The following CYP27C1 variants were observed in gnomAD, a reference collection of about 807,000 sequenced individuals.
CYP27C1 encodes the protein cytochrome P450 27C1.
Under a neutral mutation model 40.6 loss-of-function variants are expected in CYP27C1, and 29 were observed. The observed-to-expected ratio is 0.71, with a 90% confidence interval of 0.53 to 0.97. The LOEUF is 0.97. Among genes scored for constraint, CYP27C1 ranks in the 50% least tolerant of loss-of-function variants. The pLI, the probability that CYP27C1 is intolerant of heterozygous loss-of-function variation, is 0.00. For synonymous variants in CYP27C1, 198 were observed against 186.8 expected (o/e 1.06, Z -0.49); for missense variants, 390 against 485.8 (o/e 0.80, Z 1.85).
rs754819537 is a variant in CYP27C1 at position 127,201,135 on chromosome 2, T to G, written c.870A>C (p.Gly290=). 6.2e-7 allele frequency: 1 copy of G among 1,613,004 alleles called. No individual in the cohort carries two copies. The highest frequency in any genetic ancestry group is 1.1e-5 in the South Asian group (1 of 91,030). The part of the protein sequence containing the change: ...PWREFCRSWD[G]LFKFSQIHVD... ...TTCTTCTCTTACTGAATTTGAAGAG[T>G]CCATCCCAGGACCTGCAGAATTCCC... The change falls in exon 4 of 9, where the codon GGA becomes GGC. Residue 290 remains glycine, a synonymous_variant. Coordinates refer to ENST00000664447, the MANE Select transcript of CYP27C1 (RefSeq NM_001367502.1). The surrounding 1 kb of genome is among the most constrained non-coding windows in gnomAD (Gnocchi z 6.0).
chr2:127,192,439 G>T (rs72961086), intron 8 of CYP27C1, among the ~76,000 whole-genome samples: 2,403 of 152,306 alleles, frequency 0.016, 54 homozygotes, highest in African/African-American at 0.055. Flanking sequence ...TCCTGCTATA[G>T]CCTGAATCCA....
At chr2:127,215,799 GAAACTTAC>G (rs1409805005) in intron 1 of CYP27C1, among the ~76,000 whole-genome samples, 1 of 149,668 alleles carries the variant, frequency 6.7e-6, no homozygotes, top group African/African-American at 2.4e-5. Context: ...AGAATATATA[GAAACTTAC>G]AAATCAGTAG....
intron 8 of CYP27C1, among the ~76,000 whole-genome samples, 170 bp from the exon 9 acceptor site, chr2:127,187,557 C>A (rs767830605): frequency 8.5e-5 from 13 of 152,316 alleles, no homozygotes; most frequent in South Asian, 4.1e-4. Context: ...CAGTGGGAAG[C>A]CCGCTGTTTG....
At position 127,201,532 on chromosome 2, in the gene CYP27C1, C is replaced by A. The variant is rs571494437; in HGVS notation, c.674-201G>T. Among the ~76,000 whole-genome samples the A allele has an allele frequency of 6.6e-6, 1 of 152,280 alleles. No individual in the cohort carries two copies. The highest frequency in any genetic ancestry group is 2.4e-5 in the African/African-American group (1 of 41,556). On this transcript the variant is annotated intron_variant, in intron 3 of 8. Coordinates refer to ENST00000664447, the MANE Select transcript of CYP27C1 (RefSeq NM_001367502.1). The surrounding 1 kb of genome is among the most constrained non-coding windows in gnomAD (Gnocchi z 6.0). Reference sequence around the variant, plus strand: ...GACAGGTGGTGCTGTTGCTGCTTCACCTAAGGAGCCCCACAGCCCTGGGAG... The same window carrying A: ...GACAGGTGGTGCTGTTGCTGCTTCAACTAAGGAGCCCCACAGCCCTGGGAG...
intron 1 of CYP27C1, among the ~76,000 whole-genome samples, chr2:127,214,783 TTTTTTTTTTTTTTTTTGG>T (rs1306049588): frequency 2.9e-5 from 2 of 68,480 alleles, no homozygotes; most frequent in African/African-American, 1.2e-4. Flanking sequence ...CCGTTTTTTG[TTTTTTTTTTTTTTTTTGG>T]TTTTTTTTTT....
intron 1 of CYP27C1, among the ~76,000 whole-genome samples, chr2:127,217,985 G>T (rs1178957105): frequency 6.6e-6 from 1 of 152,168 alleles, no homozygotes; most frequent in Non-Finnish European, 1.5e-5. Flanking sequence ...TAAAGGGAAA[G>T]AACTTTTTCC....
chr2:127,215,998 C>T (rs1030689609), intron 1 of CYP27C1, among the ~76,000 whole-genome samples: 6 of 152,152 alleles, frequency 3.9e-5, no homozygotes, highest in Admixed American at 6.6e-5. Flanking sequence ...GATAGCACTT[C>T]GCACCCACTA....
chr2:127,206,290 CGTTTGTTT>C (rs72517050), intron 1 of CYP27C1, among the ~76,000 whole-genome samples, 200 bp from the exon 2 acceptor site: 4,757 of 150,114 alleles, frequency 0.032, 213 homozygotes, highest in African/African-American at 0.11. Flanking sequence ...TTGTTGTTTC[CGTTTGTTT>C]GTTTGTTTGT....
At chr2:127,205,515 C>G in intron 2 of CYP27C1, 1 of 212,764 alleles carries the variant, frequency 4.7e-6, no homozygotes, top group South Asian at 1.7e-4. Flanking sequence ...GGTTCTTAGC[C>G]CCTCGTCAAA....
rs56919710 is a variant in CYP27C1, at chr2:127,192,619, C to CG, written c.1497+474dup. ...AGCAAGAGCACCACTGTGCCTTTCC[C>CG]GGGGGGGGGGGCTGCTGCTGACGGT... On this transcript the variant is annotated intron_variant, in intron 8 of 8. Coordinates refer to ENST00000664447, the MANE Select transcript of CYP27C1 (RefSeq NM_001367502.1). 3.7e-3 allele frequency among the ~76,000 whole-genome samples: 556 copies of CG among 149,702 alleles called. 1 individual carries two copies. The highest frequency in any genetic ancestry group is 0.015 in the South Asian group (71 of 4,708).
intron 1 of CYP27C1, among the ~76,000 whole-genome samples, chr2:127,210,185 C>T (rs1000947514): frequency 4.6e-5 from 7 of 152,148 alleles, no homozygotes; most frequent in Admixed American, 2.0e-4. Context: ...AAACTCTATA[C>T]GCCAGAAGAG....
At chr2:127,214,354 A>G (rs1683386876) in intron 1 of CYP27C1, among the ~76,000 whole-genome samples, 1 of 152,232 alleles carries the variant, frequency 6.6e-6, no homozygotes, top group South Asian at 2.1e-4. Context: ...ATTCTACTAT[A>G]AAAACACATG....
Position 127,191,627 on chromosome 2 carries a change from G to A in CYP27C1, c.1497+1467C>T, listed in dbSNP as rs146140589. Among the ~76,000 whole-genome samples the A allele has an allele frequency of 1.5e-4, 23 of 152,348 alleles. 1 individual carries two copies. The East Asian group carries it at 2.3e-3, about 15-fold the overall frequency. ...TTCTTGGGCACAGACTCTGTACGTG[G>A]ACTGTTTTTACTCCTCACACACCTA... On this transcript the variant is annotated intron_variant, in intron 8 of 8. Transcript: ENST00000664447.
chr2:127,193,886 G>C lies in CYP27C1; in HGVS notation c.1215-19C>G. 1 of 1,613,864 alleles carries C rather than the reference G, an allele frequency of 6.2e-7. No individual in the cohort carries two copies. Among genetic ancestry groups the C allele is most frequent in the Non-Finnish European group, 8.5e-7 (1 of 1,179,764 alleles). On this transcript the variant is annotated intron_variant, in intron 6 of 8. Transcript: ENST00000664447. ...AAACAGCCTGGAAAAGAGCCAGCGG[G>C]GACGGGAATGGCGTGGTGACTTTCA...
intron 1 of CYP27C1, among the ~76,000 whole-genome samples, chr2:127,216,136 C>T (rs1558935457): frequency 6.6e-6 from 1 of 152,160 alleles, no homozygotes; most frequent in Admixed American, 6.5e-5. Context: ...TCTGGCAGTT[C>T]TTCAAAAGGT....
At chr2:127,210,103 G>A (rs557134292) in intron 1 of CYP27C1, among the ~76,000 whole-genome samples, 113 of 152,284 alleles carry the variant, frequency 7.4e-4, no homozygotes, top group African/African-American at 2.6e-3. Context: ...AAACTGTTAA[G>A]AGCAGCCACA....
intron 2 of CYP27C1, among the ~76,000 whole-genome samples, chr2:127,205,267 G>A (rs1051011659): frequency 6.6e-6 from 1 of 152,198 alleles, no homozygotes; most frequent in Non-Finnish European, 1.5e-5. Flanking sequence ...TTGAGAAATT[G>A]GTGGCTGTAT....
chr2:127,190,271 T>A (rs373148054), intron 8 of CYP27C1, among the ~76,000 whole-genome samples: 17,806 of 149,788 alleles, frequency 0.12, 1,135 homozygotes, highest in African/African-American at 0.14. Flanking sequence ...TAAAAAAAAA[T>A]AAACTCCTGT....
chr2:127,211,454 C>T (rs1344344622), intron 1 of CYP27C1, among the ~76,000 whole-genome samples: 7 of 140,610 alleles, frequency 5.0e-5, no homozygotes, highest in Admixed American at 4.5e-4. Context: ...GCTATCTTGG[C>T]TCACTGCAAG....
Sources: allele counts gnomAD v4.1 joint callset (sites outside exome capture counted in the v4.1 genomes callset), GRCh38; gene constraint gnomAD v4.1.1; non-coding constraint Gnocchi (gnomAD v3.1); transcripts MANE v1.5; gene names NCBI Gene and HGNC (gene_info 2026-07-23, HGNC 2026-07-21).